The following NR1H4 variants were observed in gnomAD, a reference collection of about 807,000 sequenced individuals.
NR1H4 encodes the protein bile acid receptor.
NR1H4 carries 23 observed loss-of-function variants against 58.5 expected under a neutral mutation model. The ratio of observed to expected loss-of-function variants is 0.39; its 90% CI spans 0.28 to 0.56. NR1H4 has a LOEUF of 0.56. NR1H4 is among the 20% of genes least tolerant of loss of function. The pLI, the probability that NR1H4 is intolerant of heterozygous loss-of-function variation, is 0.58. For missense variants in NR1H4, 487 were observed against 576.9 expected, an observed-to-expected ratio of 0.84 and a Z score of 1.60; for synonymous variants, 214 against 198.0, an observed-to-expected ratio of 1.08 and a Z score of -0.68.
At chr12:100,531,585 C>T (rs974309510) in intron 4 of NR1H4, among the ~76,000 whole-genome samples, 42 of 152,196 alleles carry the variant, frequency 2.8e-4, no homozygotes, top group Non-Finnish European at 5.4e-4. Flanking sequence ...AAATACTAGG[C>T]GAGTAACTGC....
intron 5 of NR1H4, among the ~76,000 whole-genome samples, chr12:100,532,977 C>CTA (rs763544927): frequency 7.9e-5 from 12 of 152,022 alleles, no homozygotes; most frequent in Non-Finnish European, 1.5e-4. Flanking sequence ...TACAAATTCA[C>CTA]TATTGTGGAA....
At chr12:100,537,614 G>A (rs1417406456) in intron 8 of NR1H4, among the ~76,000 whole-genome samples, 2 of 152,234 alleles carry the variant, frequency 1.3e-5, no homozygotes, top group African/African-American at 2.4e-5. Flanking sequence ...AGACTTCAGG[G>A]AGGATCATAT....
At chr12:100,543,980 C>T (rs373818834) in intron 9 of NR1H4, among the ~76,000 whole-genome samples, 4 of 152,066 alleles carry the variant, frequency 2.6e-5, no homozygotes, top group Admixed American at 6.6e-5. Context: ...TGGCCGGGTG[C>T]GGTGGCTCAC....
intron 5 of NR1H4, 146 bp downstream of exon 5, chr12:100,532,756 A>G (rs1954725366): frequency 4.2e-6 from 3 of 714,760 alleles, no homozygotes; most frequent in Non-Finnish European, 6.9e-6. Context: ...GAACCACTGA[A>G]ATTGTCCAAA....
At chr12:100,538,988 T>A (rs1390038143) in intron 8 of NR1H4, among the ~76,000 whole-genome samples, 3 of 152,178 alleles carry the variant, frequency 2.0e-5, no homozygotes, top group Non-Finnish European at 2.9e-5. Flanking sequence ...AAAGGAGATA[T>A]TTTTGGTTAT....
intron 3 of NR1H4, chr12:100,503,502 A>C: frequency 6.3e-7 from 1 of 1,589,914 alleles, no homozygotes; most frequent in Non-Finnish European, 8.5e-7. Context: ...GAAAGGTAGG[A>C]CACTGTTCAC....
chr12:100,475,591 C>G (rs1953251743), intron 1 of NR1H4, among the ~76,000 whole-genome samples: 1 of 152,134 alleles, frequency 6.6e-6, no homozygotes, highest in South Asian at 2.1e-4. Flanking sequence ...CCTTTGTACT[C>G]TGCAAGGAAA....
intron 1 of NR1H4, among the ~76,000 whole-genome samples, chr12:100,480,923 C>T (rs1432180383): frequency 2.0e-5 from 3 of 152,194 alleles, no homozygotes; most frequent in African/African-American, 7.2e-5. Flanking sequence ...GTTGGAAGAG[C>T]TGGACTTCTT....
chr12:100,550,978 C>A (rs1244923483), intron 9 of NR1H4, among the ~76,000 whole-genome samples: 1 of 152,082 alleles, frequency 6.6e-6, no homozygotes, highest in Non-Finnish European at 1.5e-5. Context: ...CTTAGAGAGG[C>A]AAGATGACCT....
intron 4 of NR1H4, among the ~76,000 whole-genome samples, chr12:100,526,833 C>T (rs1442045440): frequency 6.6e-6 from 1 of 152,166 alleles, no homozygotes. Context: ...TTGCCCTTCA[C>T]CTCCAACACC....
At chr12:100,546,211 G>T (rs1221540427) in intron 9 of NR1H4, among the ~76,000 whole-genome samples, 1 of 152,070 alleles carries the variant, frequency 6.6e-6, no homozygotes, top group Non-Finnish European at 1.5e-5. Context: ...CTAACATTTT[G>T]CTTCACGAAA....
chr12:100,476,984 G>C (rs1371631923), intron 1 of NR1H4, among the ~76,000 whole-genome samples: 3 of 152,054 alleles, frequency 2.0e-5, no homozygotes, highest in Non-Finnish European at 4.4e-5. Context: ...TAGCTAAAAG[G>C]CATCACCATA....
At chr12:100,556,017 T>C (rs749764823) in intron 9 of NR1H4, among the ~76,000 whole-genome samples, 26 of 152,212 alleles carry the variant, frequency 1.7e-4, no homozygotes, top group Middle Eastern at 3.4e-3. Flanking sequence ...TCCACTGGGG[T>C]CAATTAAAAA....
At chr12:100,553,642 A>T (rs1390182077) in intron 9 of NR1H4, among the ~76,000 whole-genome samples, 1 of 152,222 alleles carries the variant, frequency 6.6e-6, no homozygotes, top group Admixed American at 6.5e-5. Flanking sequence ...GTATGAGCTC[A>T]AACAAGAAAC....
intron 4 of NR1H4, among the ~76,000 whole-genome samples, chr12:100,530,015 A>G (rs545093528): frequency 1.3e-5 from 2 of 152,248 alleles, no homozygotes; most frequent in East Asian, 1.9e-4. Flanking sequence ...TTGTTTAGCT[A>G]TCTCATCACT....
chr12:100,495,369 C>G (rs1029848658), intron 3 of NR1H4, among the ~76,000 whole-genome samples: 5 of 152,208 alleles, frequency 3.3e-5, no homozygotes, highest in Non-Finnish European at 7.3e-5. Flanking sequence ...CTCCACTAAG[C>G]TGTAGAGCCA....
In NR1H4 at chr12:100,524,062, CATAAACATATAGGTGATG is replaced by C. The variant is rs1345268668; in HGVS notation, c.446-8394_446-8377del. On this transcript the variant is annotated intron_variant, in intron 4 of 10. Transcript: ENST00000392986. ...CCAGGGAATATGAACTGACATTTCA[CATAAACATATAGGTGATG>C]AGGCAAGACAAACTAAGATGATAAA... Among the ~76,000 whole-genome samples the C allele has an allele frequency of 3.3e-5, 5 of 151,988 alleles. No homozygotes were observed. The East Asian group carries it at 9.6e-4, about 29-fold the overall frequency.
chr12:100,510,684 C>G lies in NR1H4; in HGVS notation c.80-94C>G, dbSNP rs1020396455. On this transcript the variant is annotated intron_variant, in intron 3 of 10. Transcript: ENST00000392986. ...ATGTAGTTAAATGTTTCAATCTTTT[C>G]TTAGAGCCCACACTCCTAACCATTA... The G allele has an allele frequency of 2.4e-6, 3 of 1,271,620 alleles. No individual in the cohort carries two copies. In the African/African-American group the frequency reaches 4.5e-5, roughly 19 times the overall value. The allele number at this position is 1,271,620 out of a possible 1,614,324, so 78.8% of individuals were successfully genotyped here.
intron 3 of NR1H4, among the ~76,000 whole-genome samples, chr12:100,498,795 T>C (rs1042462319): frequency 2.6e-5 from 4 of 152,176 alleles, no homozygotes; most frequent in African/African-American, 7.2e-5. Flanking sequence ...CCCATTCTGA[T>C]TGAGGCCTAG....
Sources: gnomAD v4.1 joint callset for allele counts (sites outside exome capture counted in the v4.1 genomes callset) on GRCh38, gnomAD v4.1.1 for gene constraint, MANE v1.5 for transcripts, NCBI Gene and HGNC (gene_info 2026-07-23, HGNC 2026-07-21) for gene names.